The following AGGF1 variants were observed in gnomAD, a reference collection of about 807,000 sequenced individuals.
AGGF1 encodes angiogenic factor with G-patch and FHA domains 1, also known as angiogenic factor with G patch and FHA domains 1.
AGGF1 carries 56 observed loss-of-function variants against 86.5 expected under a neutral mutation model. The observed-to-expected ratio is 0.65, with a 90% CI of 0.52 to 0.81. The LOEUF (loss-of-function observed/expected upper bound fraction) is 0.81, where lower values mean the gene tolerates loss of function less well. AGGF1 is among the 30% of genes least tolerant of loss of function. The probability of loss-of-function intolerance (pLI) is 0.00; values close to 1 mark genes in which losing one functional copy is unlikely to be tolerated. For missense variants in AGGF1, 816 were observed against 850.9 expected, an observed-to-expected ratio of 0.96 and a Z score of 0.51; for synonymous variants, 313 against 297.1, an observed-to-expected ratio of 1.05 and a Z score of -0.55.
chr5:77,062,923 C>T, intron 13 of AGGF1, 129 bp from the exon 14 acceptor site: 1 of 854,038 alleles, frequency 1.2e-6, no homozygotes, highest in Middle Eastern at 3.4e-4. Flanking sequence ...GTATTTGATG[C>T]ATCTGACAGG....
intron 5 of AGGF1, among the ~76,000 whole-genome samples, chr5:77,040,765 T>G (rs931052897): frequency 2.0e-5 from 3 of 152,248 alleles, no homozygotes; most frequent in African/African-American, 7.2e-5. Flanking sequence ...TTTGATATCT[T>G]ACTCTTGAAA....
Position 77,036,589 on chromosome 5 carries a change from T to G in AGGF1, c.550T>G (p.Ser184Ala). 1 of 1,614,134 alleles carries G rather than the reference T, an allele frequency of 6.2e-7. No homozygotes were observed. The highest frequency in any genetic ancestry group is 8.5e-7 in the Non-Finnish European group (1 of 1,180,022). ...PASALATEDTSLEGSSLAESL... is the reference protein window; with the variant it reads ...PASALATEDTALEGSSLAESL... ...ATCTGCATTAGCAACAGAAGATACC[T>G]CCTTAGAAGGCTCATCATTAGCTGA... The change falls in exon 4 of 14, where the codon TCC becomes GCC. Residue 184 changes from serine (S) to alanine (A), a missense_variant. By Grantham distance (99) the Ser-to-Ala change is moderately conservative. Transcript: ENST00000312916.
chr5:77,063,528 T>G lies in AGGF1; in HGVS notation c.*276T>G, dbSNP rs911974160. On this transcript the variant is annotated 3_prime_UTR_variant, in exon 14 of 14. Transcript: ENST00000312916. ...TTTATCTTGTCATTTACAACATCCA[T>G]ATAAGCAACTAGCCATATAAGCAAA... 1.7e-5 allele frequency: 7 copies of G among 405,704 alleles called. No individual in the cohort carries two copies. Among genetic ancestry groups the G allele is most frequent in the Non-Finnish European group, 3.1e-5 (7 of 222,432 alleles). The allele number at this position is 405,704 out of a possible 1,614,324, so 25.1% of individuals were successfully genotyped here. A position where few individuals can be genotyped will look rare whatever the true frequency, so the allele number is the denominator to read the frequency against.
chr5:77,032,269 A>C (rs1746876005), intron 1 of AGGF1, among the ~76,000 whole-genome samples: 1 of 142,892 alleles, frequency 7.0e-6, no homozygotes, highest in Non-Finnish European at 1.6e-5. Flanking sequence ...AAAAAAAAAA[A>C]AAAAACAGGG....
In AGGF1 at chr5:77,043,397, C is replaced by T. The variant is rs1304312235; in HGVS notation, c.871-2950C>T. ...CTCCCTCCCGGACGGGGCGGCTGGC[C>T]GGGCAGAGGGGCTCCTCACTTCCCA... is the stretch of plus-strand genomic sequence containing the variant. On this transcript the variant is annotated intron_variant, in intron 5 of 13. Coordinates refer to ENST00000312916, the MANE Select transcript of AGGF1 (RefSeq NM_018046.5). Among the ~76,000 whole-genome samples, 61 of 62,866 alleles carry T rather than the reference C, an allele frequency of 9.7e-4. No individual in the cohort carries two copies. In the East Asian group the frequency reaches 0.011, roughly 11 times the overall value. 41.2% of individuals were successfully genotyped at this position (62,866 alleles called of 152,430 possible). A position where few individuals can be genotyped will look rare whatever the true frequency, so the allele number is the denominator to read the frequency against.
rs1746959821 is a variant in AGGF1, at chr5:77,035,837, C to T, written c.516+94C>T. The stretch of plus-strand genomic sequence containing the variant: ...AAAGATAGACTTCTTTGGTCCGTCA[C>T]AGCATATATAAGGGTTATAAACATT... On this transcript the variant is annotated intron_variant, in intron 3 of 13. Coordinates refer to ENST00000312916, the MANE Select transcript of AGGF1 (RefSeq NM_018046.5). 2.5e-5 allele frequency: 27 copies of T among 1,089,274 alleles called. 1 individual carries two copies. The South Asian group carries it at 3.4e-4, about 14-fold the overall frequency. 67.5% of individuals were successfully genotyped at this position (1,089,274 alleles called of 1,614,324 possible).
rs1746961746 is a variant in AGGF1, at chr5:77,036,013, A to T, written c.516+270A>T. The T allele has an allele frequency of 4.6e-5, 18 of 388,984 alleles. No homozygotes were observed. The South Asian group carries it at 5.1e-4, about 11-fold the overall frequency. 24.1% of individuals were successfully genotyped at this position (388,984 alleles called of 1,614,324 possible). A position where few individuals can be genotyped will look rare whatever the true frequency, so the allele number is the denominator to read the frequency against. ...AAAATTTGTCCAGATATTTTGACTG[A>T]ACAAAAGAACTGTGGACAACAATAC... On this transcript the variant is annotated intron_variant, in intron 3 of 13. Coordinates refer to ENST00000312916, the MANE Select transcript of AGGF1 (RefSeq NM_018046.5).
At chr5:77,060,449 A>G (rs1747536921) in intron 12 of AGGF1, among the ~76,000 whole-genome samples, 1 of 152,036 alleles carries the variant, frequency 6.6e-6, no homozygotes, top group East Asian at 1.9e-4. Flanking sequence ...AATTTTTCTT[A>G]TTTATTTTTC....
rs1303600040 is a variant in AGGF1, at chr5:77,053,819, G to A, written c.1468-146G>A. On this transcript the variant is annotated intron_variant, in intron 9 of 13. Transcript: ENST00000312916. ...GGGTCATTAAGTTGGGGAAGTGTGT[G>A]CATGTGTGTATGTGTATGTGTCTAT... 1.6e-5 allele frequency: 13 copies of A among 806,698 alleles called. No individual in the cohort carries two copies. In the Admixed American group the frequency reaches 2.7e-4, roughly 17 times the overall value. The allele number at this position is 806,698 out of a possible 1,614,324, so 50.0% of individuals were successfully genotyped here. A position where few individuals can be genotyped will look rare whatever the true frequency, so the allele number is the denominator to read the frequency against.
rs144594881 is a variant in AGGF1 at position 77,039,349 on chromosome 5, A to G, written c.682-182A>G. Among the ~76,000 whole-genome samples, 556 of 152,320 alleles carry G rather than the reference A, an allele frequency of 3.7e-3. 4 individuals carry two copies. Among genetic ancestry groups the G allele is most frequent in the African/African-American group, 0.013 (526 of 41,590 alleles). ...TCACACTAGGAAAATTAGATCAGTTATTGAATGGTAAAGTATTTTGGAAGA... is the reference window on the plus strand; with the variant it reads ...TCACACTAGGAAAATTAGATCAGTTGTTGAATGGTAAAGTATTTTGGAAGA... On this transcript the variant is annotated intron_variant, in intron 4 of 13. Transcript: ENST00000312916.
chr5:77,030,917 C>T lies in AGGF1; in HGVS notation c.151C>T (p.His51Tyr), dbSNP rs759114391. Residue 51 changes from histidine (H) to tyrosine (Y), a missense_variant, in exon 1 of 14, where the codon CAT becomes TAT. His to Tyr is a moderately conservative substitution (Grantham distance 83). Transcript: ENST00000312916. The part of the protein sequence containing the change: ...RQVREIEKLL[H>Y]HTERLYQNAE... The stretch of plus-strand genomic sequence containing the variant: ...GGTGCGGGAGATCGAGAAGCTGCTG[C>T]ATCACACAGAACGGCTGTACCAGAA... 14 of 1,613,258 alleles carry T rather than the reference C, an allele frequency of 8.7e-6. No homozygotes were observed. The East Asian group carries it at 2.2e-4, about 26-fold the overall frequency.
chr5:77,061,866 G>T, intron 13 of AGGF1, 64 bp downstream of exon 13: 1 of 1,476,466 alleles, frequency 6.8e-7, no homozygotes, highest in Non-Finnish European at 9.5e-7. Context: ...GTACATTAAT[G>T]TGCCAAACGT....
At chr5:77,045,342 A>G (rs1284114184) in intron 5 of AGGF1, among the ~76,000 whole-genome samples, 3 of 152,246 alleles carry the variant, frequency 2.0e-5, no homozygotes, top group Non-Finnish European at 2.9e-5. Context: ...CCACAGAAAA[A>G]TAAGTATTTG....
chr5:77,033,353 C>T (rs1412852876), intron 1 of AGGF1, among the ~76,000 whole-genome samples: 1 of 152,064 alleles, frequency 6.6e-6, no homozygotes, highest in South Asian at 2.1e-4. Flanking sequence ...GTTAGGACAA[C>T]GAATATTTCA....
chr5:77,057,723 T>C (rs1747485681), intron 11 of AGGF1, among the ~76,000 whole-genome samples: 1 of 152,228 alleles, frequency 6.6e-6, no homozygotes, highest in Non-Finnish European at 1.5e-5. Flanking sequence ...GTGCCCTACT[T>C]GCACAGCAGT....
In AGGF1 at chr5:77,035,935, G is replaced by C. The variant is rs549619563; in HGVS notation, c.516+192G>C. On this transcript the variant is annotated intron_variant, in intron 3 of 13. Transcript: ENST00000312916. The stretch of plus-strand genomic sequence containing the variant: ...ATTAGAACTTCTTCATATATGTAGT[G>C]GTTTTCCTACTACATTGTGTTCCAA... 697 of 579,318 alleles carry C rather than the reference G, an allele frequency of 1.2e-3. 2 individuals carry two copies. The highest frequency in any genetic ancestry group is 1.8e-3 in the Non-Finnish European group (584 of 333,090). The allele number at this position is 579,318 out of a possible 1,614,324, so 35.9% of individuals were successfully genotyped here.
At chr5:77,060,077 C>T (rs1747530323) in intron 12 of AGGF1, among the ~76,000 whole-genome samples, 1 of 152,188 alleles carries the variant, frequency 6.6e-6, no homozygotes, top group Non-Finnish European at 1.5e-5. Context: ...CTCCTGACCT[C>T]ATGATCCGCC....
rs762244385 is a variant in AGGF1, at chr5:77,063,203, A to C, written c.2096A>C (p.Gln699Pro). The C allele has an allele frequency of 6.2e-6, 10 of 1,613,990 alleles. No individual in the cohort carries two copies. In the Admixed American group the frequency reaches 1.7e-4, roughly 27 times the overall value. Residue 699 changes from glutamine (Q) to proline (P), a missense_variant, in exon 14 of 14, where the codon CAA becomes CCA. Gln to Pro is a moderately conservative substitution (Grantham distance 76). Coordinates refer to ENST00000312916, the MANE Select transcript of AGGF1 (RefSeq NM_018046.5). The stretch of plus-strand genomic sequence containing the variant: ...GAAAACTTCCCAGAAACTAAGCCTC[A>C]AAAAGATGACCCAGGGACCATGCCT... ...FTENFPETKP[Q>P]KDDPGTMPWV... is the part of the protein sequence containing the mutation.
chr5:77,061,575 A>G, intron 12 of AGGF1, 128 bp from the exon 13 acceptor site: 1 of 847,062 alleles, frequency 1.2e-6, no homozygotes, highest in South Asian at 1.5e-5. Context: ...TGTGTCTTCA[A>G]CTTTGTTAGG....
Sources: gnomAD v4.1 joint callset for allele counts (sites outside exome capture counted in the v4.1 genomes callset) on GRCh38, gnomAD v4.1.1 for gene constraint, MANE v1.5 for transcripts, NCBI Gene and HGNC (gene_info 2026-07-23, HGNC 2026-07-21) for gene names.